The following TF variants were observed in gnomAD, a reference collection of about 807,000 sequenced individuals.
The protein encoded by TF is transferrin, also known as serotransferrin.
Under a neutral mutation model 82.4 loss-of-function variants are expected in TF, and 55 were observed. The observed-to-expected ratio is 0.67, with a 90% CI of 0.54 to 0.84. The LOEUF (loss-of-function observed/expected upper bound fraction) is 0.84, where lower values mean the gene tolerates loss of function less well. Among genes scored for constraint, TF ranks in the 40% least tolerant of loss-of-function variants. TF has a pLI of 0.00. For missense variants in TF, 737 were observed against 868.4 expected (o/e 0.85, Z 1.90); for synonymous variants, 332 against 332.6 (o/e 1.00, Z 0.02).
At chr3:133,773,531 G>A (rs1242597510) in intron 14 of TF, 1 of 150,546 alleles carries the variant, frequency 6.6e-6, no homozygotes, top group Non-Finnish European at 1.5e-5. Context: ...GCATATTATA[G>A]GTGTGTGTAG....
At chr3:133,732,420 A>G in the TF span, among the ~76,000 whole-genome samples, 2 of 152,330 alleles carry the variant, frequency 1.3e-5, no homozygotes, top group South Asian at 4.1e-4. Context: ...TATAAAATGG[A>G]CCAATCAGCT....
chr3:133,707,828 A>G, the TF span, among the ~76,000 whole-genome samples: 3 of 152,260 alleles, frequency 2.0e-5, no homozygotes, highest in African/African-American at 4.8e-5. Context: ...TAAATGAAAT[A>G]TTCATGATAT....
At chr3:133,721,581 TA>T in the TF span, among the ~76,000 whole-genome samples, 3 of 152,230 alleles carry the variant, frequency 2.0e-5, no homozygotes, top group African/African-American at 7.2e-5. Flanking sequence ...GAATGTTCTG[TA>T]AATATCTTTT....
the TF span, chr3:133,699,509 G>A: frequency 9.0e-7 from 1 of 1,110,760 alleles, no homozygotes; most frequent in Non-Finnish European, 1.3e-6. Flanking sequence ...ACACCCAGAA[G>A]CTGGTAGTTG....
At chr3:133,749,928 G>T (rs532060986) in intron 2 of TF, among the ~76,000 whole-genome samples, 1 of 152,246 alleles carries the variant, frequency 6.6e-6, no homozygotes, top group African/African-American at 2.4e-5. Flanking sequence ...AGGTAGAAAG[G>T]GCTGGTCAGT....
chr3:133,766,398 G>C lies in TF; in HGVS notation c.1451G>C (p.Gly484Ala). The change falls in exon 12 of 17, where the codon GGC becomes GCC. Residue 484 changes from glycine to alanine, a missense_variant. By Grantham distance (60) the Gly-to-Ala change is moderately conservative. Transcript: ENST00000402696. ...GRTAGWNIPM[G>A]LLYNKINHCR... ...ACCGCTGGCTGGAACATCCCCATGG[G>C]CCTGCTCTACAATAAGATCAACCAC... 1 of 1,614,200 alleles carries C rather than the reference G, an allele frequency of 6.2e-7. No homozygotes were observed. Among genetic ancestry groups the C allele is most frequent in the Non-Finnish European group, 8.5e-7 (1 of 1,180,024 alleles).
At chr3:133,732,089 G>T in the TF span, among the ~76,000 whole-genome samples, 1 of 152,166 alleles carries the variant, frequency 6.6e-6, no homozygotes, top group African/African-American at 2.4e-5. Context: ...GTGCACATGG[G>T]ACTTAGAAGG....
At chr3:133,743,471 C>T (rs28451696), upstream of TF, among the ~76,000 whole-genome samples, 2,362 of 152,130 alleles carry the variant, frequency 0.016, 34 homozygotes, top group South Asian at 0.043. Context: ...TTGGCCCCTG[C>T]ATGTCCTGGT....
chr3:133,764,319 C>G lies in TF; in HGVS notation c.1297+44C>G, dbSNP rs1225167673. On this transcript the variant is annotated intron_variant, in intron 10 of 16. Coordinates refer to ENST00000402696, the MANE Select transcript of TF (RefSeq NM_001063.4). ...CTCTCTGTGTTTTCTTCCCTCAGGG[C>G]CATGGAGAGAGGAGATGGAAAAATC... 6 of 1,487,410 alleles carry G rather than the reference C, an allele frequency of 4.0e-6. No individual in the cohort carries two copies. In the Admixed American group the frequency reaches 6.7e-5, roughly 17 times the overall value. The allele number at this position is 1,487,410 out of a possible 1,614,324, so 92.1% of individuals were successfully genotyped here.
the TF span, among the ~76,000 whole-genome samples, chr3:133,673,984 G>C: frequency 5.3e-5 from 8 of 152,306 alleles, 1 homozygote; most frequent in East Asian, 1.9e-4. Context: ...GGAGCAGAGG[G>C]CTGCTGGGGA....
Position 133,775,519 on chromosome 3 carries a change from G to A in TF, c.1774G>A (p.Glu592Lys), listed in dbSNP as rs138315129. ...TGATGGTACCAGGAAACCTGTGGAG[G>A]AGTATGCGAACTGCCACCTGGCCAG... Reference protein sequence around the residue: ...CLDGTRKPVEEYANCHLARAP... With the variant: ...CLDGTRKPVEKYANCHLARAP... The change falls in exon 15 of 17, where the codon GAG becomes AAG. Residue 592 changes from glutamate to lysine, a missense_variant. Physicochemically the swap from Glu to Lys is moderately conservative, Grantham distance 56 (BLOSUM62 1). Transcript: ENST00000402696. The A allele has an allele frequency of 2.9e-5, 47 of 1,614,208 alleles. No homozygotes were observed. In the African/African-American group the frequency reaches 5.2e-4, roughly 18 times the overall value.
At chr3:133,763,826 C>A (rs747973858) in intron 9 of TF, among the ~76,000 whole-genome samples, 8 of 152,234 alleles carry the variant, frequency 5.3e-5, no homozygotes, top group Non-Finnish European at 1.2e-4. Context: ...AGCCACGAGT[C>A]CCTGACTCCA....
rs1933882014 is a variant in TF at position 133,757,887 on chromosome 3, C to T, written c.989C>T (p.Ala330Val). ...TTAAAAGTCCCCCCCAGGATGGATG[C>T]CAAGATGTACCTGGGCTATGAGTAT... Reference protein sequence around the residue: ...GFLKVPPRMDAKMYLGYEYVT... With the variant: ...GFLKVPPRMDVKMYLGYEYVT... Residue 330 changes from alanine to valine, a missense_variant, in exon 8 of 17, where the codon GCC becomes GTC. Coordinates refer to ENST00000402696, the MANE Select transcript of TF (RefSeq NM_001063.4). 6.2e-7 allele frequency: 1 copy of T among 1,614,184 alleles called. No homozygotes were observed.
At chr3:133,738,035 C>T in the TF span, among the ~76,000 whole-genome samples, 1 of 152,168 alleles carries the variant, frequency 6.6e-6, no homozygotes, top group South Asian at 2.1e-4. Context: ...GTCAATATCC[C>T]TGATGAACAT....
intron 4 of TF, 107 bp from the exon 5 acceptor site, chr3:133,755,256 G>C (rs1933791950): frequency 2.1e-6 from 3 of 1,458,514 alleles, no homozygotes; most frequent in South Asian, 2.3e-5. Flanking sequence ...GCATGTGCTG[G>C]TTTGGTTTTA....
chr3:133,764,967 T>G, intron 11 of TF, 60 bp downstream of exon 11: 1 of 1,574,284 alleles, frequency 6.4e-7, no homozygotes, highest in Non-Finnish European at 8.7e-7. Flanking sequence ...TTTGGGGAAT[T>G]GGTTAGATTT....
At chr3:133,711,450 C>T in the TF span, among the ~76,000 whole-genome samples, 1 of 152,310 alleles carries the variant, frequency 6.6e-6, no homozygotes, top group East Asian at 1.9e-4. Context: ...AATGCACCAT[C>T]CCTGCCGAGC....
In TF at chr3:133,757,759, C is replaced by T. The variant is rs1203474071; in HGVS notation, c.871-10C>T. The T allele has an allele frequency of 6.2e-7, 1 of 1,613,318 alleles. No individual in the cohort carries two copies. Among genetic ancestry groups the T allele is most frequent in the East Asian group, 2.2e-5 (1 of 44,882 alleles). ...TGTTGCCATCCACTATTCTGTTTTT[C>T]TATGAACAGGAACATTTTGGCAAAG... On this transcript the variant is annotated splice_polypyrimidine_tract_variant and intron_variant, in intron 7 of 16. Coordinates refer to ENST00000402696, the MANE Select transcript of TF (RefSeq NM_001063.4).
the TF span, among the ~76,000 whole-genome samples, chr3:133,715,208 A>T: frequency 6.6e-6 from 1 of 152,098 alleles, no homozygotes; most frequent in South Asian, 2.1e-4. Context: ...CCTAGAAGAC[A>T]ATTCCATACT....
Sources: allele counts gnomAD v4.1 joint callset (sites outside exome capture counted in the v4.1 genomes callset), GRCh38; gene constraint gnomAD v4.1.1; transcripts MANE v1.5; gene names NCBI Gene and HGNC (gene_info 2026-07-23, HGNC 2026-07-21).